The following DYNLRB1 variants were observed in gnomAD, a reference collection of about 807,000 sequenced individuals.
DYNLRB1 encodes ROBL/LC7-like 1.
Under a neutral mutation model 13.5 loss-of-function variants are expected in DYNLRB1, and 6 were observed. The observed-to-expected ratio is 0.44, with a 90% confidence interval of 0.24 to 0.88. The LOEUF is 0.88. DYNLRB1 is among the 40% of genes least tolerant of loss of function. The probability of loss-of-function intolerance (pLI) is 0.21; values close to 1 mark genes in which losing one functional copy is unlikely to be tolerated. For missense variants in DYNLRB1, 93 were observed against 127.2 expected (o/e 0.73, Z 1.29); for synonymous variants, 43 against 45.0 (o/e 0.96, Z 0.18).
chr20:34,521,513 T>TA (rs1393615739), intron 1 of DYNLRB1, among the ~76,000 whole-genome samples: 1 of 152,222 alleles, frequency 6.6e-6, no homozygotes, highest in Non-Finnish European at 1.5e-5. Context: ...GATTAGTTAT[T>TA]CTTATACAGA....
intron 1 of DYNLRB1, among the ~76,000 whole-genome samples, chr20:34,525,250 G>GA (rs1337758429): frequency 2.0e-5 from 3 of 152,018 alleles, no homozygotes; most frequent in African/African-American, 7.3e-5. Context: ...AGGGGCTTCT[G>GA]ACTGGATTCT....
intron 1 of DYNLRB1, among the ~76,000 whole-genome samples, chr20:34,517,736 C>CAT (rs1979367980): frequency 5.4e-5 from 8 of 148,182 alleles, no homozygotes; most frequent in Admixed American, 2.8e-4. Context: ...TCAAGTGATT[C>CAT]TCCCGCCTCA....
At chr20:34,533,438 T>C (rs1980866018) in intron 2 of DYNLRB1, 1 of 984,132 alleles carries the variant, frequency 1.0e-6, no homozygotes, top group Non-Finnish European at 1.2e-6. Flanking sequence ...ACAGTGTGTT[T>C]ATAGCTGCTA....
intron 1 of DYNLRB1, among the ~76,000 whole-genome samples, chr20:34,518,734 G>A (rs116989151): frequency 2.0e-5 from 3 of 151,932 alleles, no homozygotes; most frequent in Non-Finnish European, 4.4e-5. Flanking sequence ...GATTACAGGC[G>A]TGAGCCACCA....
intron 1 of DYNLRB1, among the ~76,000 whole-genome samples, chr20:34,517,305 G>T (rs1043810332): frequency 6.6e-6 from 1 of 152,166 alleles, no homozygotes; most frequent in Non-Finnish European, 1.5e-5. Flanking sequence ...ACTTACAGTA[G>T]TCATATGACT....
chr20:34,534,830 A>T (rs769875460), intron 3 of DYNLRB1, 35 bp downstream of exon 3: 1 of 1,613,550 alleles, frequency 6.2e-7, no homozygotes. Context: ...GTAGGAACAG[A>T]CCTCATGGCA....
At chr20:34,517,319 A>C (rs1026871369) in intron 1 of DYNLRB1, among the ~76,000 whole-genome samples, 5 of 152,170 alleles carry the variant, frequency 3.3e-5, no homozygotes, top group African/African-American at 7.2e-5. Flanking sequence ...TATGACTTCT[A>C]GTCTTTTTTG....
chr20:34,517,311 T>C (rs902261197), intron 1 of DYNLRB1, among the ~76,000 whole-genome samples: 1 of 152,230 alleles, frequency 6.6e-6, no homozygotes, highest in African/African-American at 2.4e-5. Flanking sequence ...AGTAGTCATA[T>C]GACTTCTAGT....
chr20:34,535,739 G>A, intron 3 of DYNLRB1: 1 of 985,364 alleles, frequency 1.0e-6, no homozygotes, highest in Non-Finnish European at 1.2e-6. Flanking sequence ...GGGGAGGAGT[G>A]GGAGGTGAGG....
At position 34,526,264 on chromosome 20, in the gene DYNLRB1, G is replaced by T. The variant is rs1047529904; in HGVS notation, c.4-4G>T. The T allele has an allele frequency of 6.2e-6, 10 of 1,614,022 alleles. No homozygotes were observed. In the African/African-American group the frequency reaches 1.3e-4, roughly 22 times the overall value. On this transcript the variant is annotated splice_region_variant and splice_polypyrimidine_tract_variant and intron_variant, in intron 1 of 3. Coordinates refer to ENST00000357156, the MANE Select transcript of DYNLRB1 (RefSeq NM_014183.4). ...CTCCTAACCTTGGTCTTGTTTTCTG[G>T]CAGGCAGAGGTGGAGGAGACACTGA...
chr20:34,528,535 G>A (rs1316960800), intron 2 of DYNLRB1, among the ~76,000 whole-genome samples: 1 of 152,160 alleles, frequency 6.6e-6, no homozygotes, highest in African/African-American at 2.4e-5. Context: ...AACGTTAAAT[G>A]AACCAACCAC....
rs1300696673 is a variant in DYNLRB1, at chr20:34,528,025, G to GTT, written c.79+1683_79+1684insTT. On this transcript the variant is annotated intron_variant, in intron 2 of 3. Transcript: ENST00000357156. ...CCAATTTAAAAACTACCCTACTGGA[G>GTT]TAGCCGGCCGGGCGCGGTGGCTCAC... 3.1e-3 allele frequency among the ~76,000 whole-genome samples: 350 copies of GTT among 112,740 alleles called. 13 individuals are homozygous for GTT. The highest frequency in any genetic ancestry group is 0.019 in the Middle Eastern group (4 of 212). The allele number at this position is 112,740 out of a possible 152,430, so 74.0% of individuals were successfully genotyped here. A position where few individuals can be genotyped will look rare whatever the true frequency, so the allele number is the denominator to read the frequency against.
chr20:34,536,278 C>T (rs1417251144), intron 3 of DYNLRB1: 2 of 985,296 alleles, frequency 2.0e-6, no homozygotes, highest in Non-Finnish European at 2.4e-6. Context: ...CCTGCAAATC[C>T]ACATCTGTAA....
chr20:34,536,996 G>T (rs1981201170), intron 3 of DYNLRB1, among the ~76,000 whole-genome samples: 1 of 152,108 alleles, frequency 6.6e-6, no homozygotes, highest in Non-Finnish European at 1.5e-5. Flanking sequence ...CTTGGCAGCG[G>T]CAGCGTCTCC....
chr20:34,530,149 G>A (rs947558387), intron 2 of DYNLRB1: 2 of 1,215,002 alleles, frequency 1.6e-6, no homozygotes, highest in East Asian at 6.7e-5. Flanking sequence ...ACTCACAAAG[G>A]AGAGGCCCTC....
At chr20:34,538,200 T>C (rs1295300282) in intron 3 of DYNLRB1, among the ~76,000 whole-genome samples, 1 of 138,372 alleles carries the variant, frequency 7.2e-6, no homozygotes, top group Non-Finnish European at 1.5e-5. Context: ...ACTCCTAGGC[T>C]CAAGCGATTC....
intron 1 of DYNLRB1, among the ~76,000 whole-genome samples, chr20:34,525,180 T>TTC (rs1980090620): frequency 6.8e-6 from 1 of 146,412 alleles, no homozygotes; most frequent in South Asian, 2.2e-4. Context: ...GTGTTGAGGA[T>TTC]CCCCCCCCCC....
intron 1 of DYNLRB1, among the ~76,000 whole-genome samples, chr20:34,520,545 C>T (rs1214997997): frequency 6.6e-6 from 1 of 152,170 alleles, no homozygotes; most frequent in African/African-American, 2.4e-5. Context: ...CTCCCAGGTT[C>T]AAGTGATTTT....
intron 2 of DYNLRB1, among the ~76,000 whole-genome samples, chr20:34,533,767 C>T (rs1272100405): frequency 1.3e-5 from 2 of 151,704 alleles, no homozygotes; most frequent in African/African-American, 4.8e-5. Flanking sequence ...TGCAATGAGC[C>T]GAGGTTGCAC....
Sources: allele counts gnomAD v4.1 joint callset (sites outside exome capture counted in the v4.1 genomes callset), GRCh38; gene constraint gnomAD v4.1.1; transcripts MANE v1.5; gene names NCBI Gene and HGNC (gene_info 2026-07-23, HGNC 2026-07-21).